The following PARD3 variants were observed in gnomAD, a reference collection of about 807,000 sequenced individuals.
PARD3 encodes par-3 family cell polarity regulator.
A neutral mutation model predicts 155.4 loss-of-function variants in PARD3; 75 were observed. That is an observed-to-expected ratio of 0.48 (90% CI 0.40 to 0.58). PARD3 has a LOEUF of 0.58. PARD3 is among the 20% of genes least tolerant of loss of function. The pLI, the probability that PARD3 is intolerant of heterozygous loss-of-function variation, is 0.00. For synonymous variants in PARD3, 576 were observed against 610.5 expected, an observed-to-expected ratio of 0.94 and a Z score of 0.83; for missense variants, 1,642 against 1,721.7, an observed-to-expected ratio of 0.95 and a Z score of 0.82.
intron 2 of PARD3, among the ~76,000 whole-genome samples, chr10:34,621,229 G>T (rs1286080960): frequency 6.6e-6 from 1 of 151,862 alleles, no homozygotes; most frequent in East Asian, 1.9e-4. Context: ...GTTGTTTTGG[G>T]GGTTTCTTTG....
chr10:34,300,561 C>G (rs1387720274), intron 20 of PARD3, among the ~76,000 whole-genome samples: 1 of 151,860 alleles, frequency 6.6e-6, no homozygotes, highest in Non-Finnish European at 1.5e-5. Context: ...AGGCAGGAGG[C>G]TGCAGTGAGC....
chr10:34,499,217 TTTG>T (rs1208217675), intron 3 of PARD3, among the ~76,000 whole-genome samples: 1 of 152,176 alleles, frequency 6.6e-6, no homozygotes, highest in African/African-American at 2.4e-5. Context: ...GCAATAAAGC[TTTG>T]TTCTTAGATT....
rs1261047675 is a variant in PARD3 at position 34,692,677 on chromosome 10, C to T, written c.222+3641G>A. On this transcript the variant is annotated intron_variant, in intron 2 of 24. Coordinates refer to ENST00000374788, the MANE Select transcript of PARD3 (RefSeq NM_001184785.2). ...ATCACCTGAGGTCAGGAGTTTGAGA[C>T]CAGTCTGGCCAACGTGACAAAACCC... Among the ~76,000 whole-genome samples the T allele has an allele frequency of 2.6e-5, 4 of 152,122 alleles. No homozygotes were observed. The East Asian group carries it at 7.7e-4, about 29-fold the overall frequency.
At chr10:34,529,668 T>C (rs1442003666) in intron 2 of PARD3, among the ~76,000 whole-genome samples, 2 of 152,162 alleles carry the variant, frequency 1.3e-5, no homozygotes, top group East Asian at 1.9e-4. Flanking sequence ...TGAATTCTTA[T>C]AATAAAGTAA....
intron 23 of PARD3, among the ~76,000 whole-genome samples, chr10:34,127,385 G>A (rs1031976438): frequency 3.3e-5 from 5 of 152,076 alleles, no homozygotes; most frequent in South Asian, 2.1e-4. Flanking sequence ...TCTGACCACC[G>A]CACACTGATG....
intron 20 of PARD3, among the ~76,000 whole-genome samples, chr10:34,288,166 G>C (rs1956492727): frequency 6.6e-6 from 1 of 152,118 alleles, no homozygotes. Flanking sequence ...ATCCATGATT[G>C]TGCCACTGCA....
chr10:34,605,180 A>ATTTTTTTTTTTTTTTTTTTTTT (rs750688603), intron 2 of PARD3, among the ~76,000 whole-genome samples: 2 of 62,430 alleles, frequency 3.2e-5, no homozygotes, highest in African/African-American at 1.1e-4. Flanking sequence ...CCAAAATGAA[A>ATTTTTTTTTTTTTTTTTTTTTT]TTTTTTTTTT....
intron 22 of PARD3, among the ~76,000 whole-genome samples, chr10:34,192,080 T>G (rs1588696410): frequency 6.7e-6 from 1 of 149,908 alleles, no homozygotes; most frequent in Admixed American, 6.6e-5. Flanking sequence ...TCCTGCTTGT[T>G]TTTTTTTTTT....
At chr10:34,244,652 GAT>G (rs1953825329) in intron 22 of PARD3, among the ~76,000 whole-genome samples, 1 of 152,154 alleles carries the variant, frequency 6.6e-6, no homozygotes. Context: ...CCATGTCATT[GAT>G]ATGTTACTAA....
chr10:34,147,307 C>T lies in PARD3; in HGVS notation c.3420-15724G>A, dbSNP rs78808650. On this transcript the variant is annotated intron_variant, in intron 22 of 24. Coordinates refer to ENST00000374788, the MANE Select transcript of PARD3 (RefSeq NM_001184785.2). ...AACTGTGGGTTTGCTTGGTTTCTAG[C>T]TAATTGAGACTTTATTGTATTGTTG... 3.9e-4 allele frequency among the ~76,000 whole-genome samples: 60 copies of T among 152,162 alleles called. No individual in the cohort carries two copies. The East Asian group carries it at 7.9e-3, about 20-fold the overall frequency.
At chr10:34,350,633 C>G (rs868067590) in intron 14 of PARD3, among the ~76,000 whole-genome samples, 2,588 of 40,592 alleles carry the variant, frequency 0.064, 31 homozygotes, top group East Asian at 0.33. Flanking sequence ...TCCATCTTGG[C>G]GGGGGGGGAG....
intron 3 of PARD3, among the ~76,000 whole-genome samples, chr10:34,480,894 C>T (rs1387215162): frequency 6.7e-6 from 1 of 149,438 alleles, no homozygotes; most frequent in Admixed American, 6.7e-5. Flanking sequence ...CTCCGCTTCT[C>T]AGGTTCAAGC....
At chr10:34,804,509 CT>C (rs1284080567) in intron 1 of PARD3, among the ~76,000 whole-genome samples, 2 of 152,204 alleles carry the variant, frequency 1.3e-5, no homozygotes, top group Non-Finnish European at 2.9e-5. Context: ...GCAGGTGCTG[CT>C]GTCTGTAATA....
chr10:34,542,233 G>GTGTGTGTGCA (rs2083674913), intron 2 of PARD3, among the ~76,000 whole-genome samples: 1 of 8,444 alleles, frequency 1.2e-4, no homozygotes, highest in African/African-American at 1.5e-4. Context: ...GTGTGTGTGT[G>GTGTGTGTGCA]TGTGTGCACA....
chr10:34,117,394 C>G (rs943195390), intron 24 of PARD3, among the ~76,000 whole-genome samples: 10 of 152,164 alleles, frequency 6.6e-5, no homozygotes, highest in Non-Finnish European at 1.5e-4. Context: ...TCCACACTGT[C>G]AGCTCACCCT....
At chr10:34,237,135 A>G (rs1953286615) in intron 22 of PARD3, among the ~76,000 whole-genome samples, 1 of 152,228 alleles carries the variant, frequency 6.6e-6, no homozygotes, top group Non-Finnish European at 1.5e-5. Context: ...TCTTAACCAC[A>G]GATGAGAGGC....
At chr10:34,113,907 T>C (rs1266377008) in intron 24 of PARD3, among the ~76,000 whole-genome samples, 2 of 152,190 alleles carry the variant, frequency 1.3e-5, no homozygotes, top group East Asian at 3.8e-4. Context: ...CAGTAAGTGA[T>C]TGACTAATAG....
At chr10:34,581,042 T>C (rs2087403461) in intron 2 of PARD3, among the ~76,000 whole-genome samples, 1 of 152,176 alleles carries the variant, frequency 6.6e-6, no homozygotes, top group African/African-American at 2.4e-5. Flanking sequence ...GGTATCAAGC[T>C]AAAAATTAGC....
chr10:34,573,980 T>C (rs2086683589), intron 2 of PARD3, among the ~76,000 whole-genome samples: 1 of 152,206 alleles, frequency 6.6e-6, no homozygotes, highest in African/African-American at 2.4e-5. Context: ...GATATTTTTA[T>C]TATAAGTTAT....
Sources: gnomAD v4.1 joint callset for allele counts (sites outside exome capture counted in the v4.1 genomes callset) on GRCh38, gnomAD v4.1.1 for gene constraint, MANE v1.5 for transcripts, NCBI Gene and HGNC (gene_info 2026-07-23, HGNC 2026-07-21) for gene names.